GLT6D1: variants seen among roughly 807,000 people sequenced by gnomAD.
GLT6D1 encodes glycosyltransferase 6 domain containing 1.
Under a neutral mutation model 12.3 loss-of-function variants are expected in GLT6D1, and 9 were observed. The ratio of observed to expected loss-of-function variants is 0.73; its 90% CI spans 0.44 to 1.27. The LOEUF is 1.27. Among genes scored for constraint, GLT6D1 ranks in the 50% most tolerant of loss-of-function variants. The probability of loss-of-function intolerance (pLI) is 0.00; values close to 1 mark genes in which losing one functional copy is unlikely to be tolerated. For synonymous variants in GLT6D1, 128 were observed against 132.3 expected, an observed-to-expected ratio of 0.97 and a Z score of 0.23; for missense variants, 335 against 346.2, an observed-to-expected ratio of 0.97 and a Z score of 0.26.
chr9:135,627,578 C>T (rs1833550446), intron 3 of GLT6D1, among the ~76,000 whole-genome samples: 1 of 152,112 alleles, frequency 6.6e-6, no homozygotes, highest in Non-Finnish European at 1.5e-5. Context: ...AGTTGATGAA[C>T]ATTTGAGTTA....
chr9:135,637,663 G>A (rs752890255), intron 2 of GLT6D1, among the ~76,000 whole-genome samples: 1 of 152,068 alleles, frequency 6.6e-6, no homozygotes, highest in African/African-American at 2.4e-5. Flanking sequence ...GCATCTTGGC[G>A]TTCGCTTATT....
At position 135,631,487 on chromosome 9, in the gene GLT6D1, A is replaced by G. The variant is rs1284056323; in HGVS notation, c.72-9T>C. 1.3e-6 allele frequency: 2 copies of G among 1,599,650 alleles called. No homozygotes were observed. Among genetic ancestry groups the G allele is most frequent in the African/African-American group, 2.7e-5 (2 of 74,686 alleles). On this transcript the variant is annotated splice_polypyrimidine_tract_variant and intron_variant, in intron 2 of 4. Coordinates refer to ENST00000371763, the MANE Select transcript of GLT6D1 (RefSeq NM_182974.3). ...CTTCTACTTGGTGATTCCTGGATAC[A>G]AAGAGAAAATCAAGTGATTGCAAGG... is the stretch of plus-strand genomic sequence containing the variant.
At chr9:135,624,733 T>C (rs1372203196) in intron 4 of GLT6D1, 63 bp from the exon 5 acceptor site, 6 of 689,160 alleles carry the variant, frequency 8.7e-6, no homozygotes, top group Admixed American at 5.2e-5. Context: ...TCTTTTTTTT[T>C]TTTTTTTTTT....
At chr9:135,640,216 A>G (rs1833863992), upstream of GLT6D1, among the ~76,000 whole-genome samples, 1 of 152,200 alleles carries the variant, frequency 6.6e-6, no homozygotes, top group African/African-American at 2.4e-5. Flanking sequence ...CAAGTGTACA[A>G]AACACATGGG....
At chr9:135,631,229 C>T (rs888987758) in intron 3 of GLT6D1, among the ~76,000 whole-genome samples, 13 of 152,306 alleles carry the variant, frequency 8.5e-5, no homozygotes, top group African/African-American at 2.9e-4. Flanking sequence ...AGGTAGAGAG[C>T]GTCTGCTTCT....
chr9:135,635,190 A>G (rs1833745521), intron 2 of GLT6D1, among the ~76,000 whole-genome samples: 1 of 152,100 alleles, frequency 6.6e-6, no homozygotes, highest in South Asian at 2.1e-4. Flanking sequence ...TTCGTTTCAT[A>G]CTTTGGGTTA....
Position 135,624,245 on chromosome 9 carries a change from C to T in GLT6D1, c.683G>A (p.Gly228Asp). 6.2e-7 allele frequency: 1 copy of T among 1,604,964 alleles called. No homozygotes were observed. Among genetic ancestry groups the T allele is most frequent in the Non-Finnish European group, 8.5e-7 (1 of 1,176,586 alleles). ...GGGTGTGCCACCAACCATCAAGTTG[C>T]CATAATAGAAATCTCCCTGTCCAAA... ...IPFGQGDFYY[G>D]NLMVGGTPHN... Residue 228 changes from glycine to aspartate, a missense_variant, in exon 5 of 5, where the codon GGC (glycine) becomes GAC (aspartate). By Grantham distance (94) the Gly-to-Asp change is moderately conservative. Transcript: ENST00000371763.
At chr9:135,637,414 C>T (rs567723871) in intron 2 of GLT6D1, among the ~76,000 whole-genome samples, 3 of 151,830 alleles carry the variant, frequency 2.0e-5, no homozygotes, top group Non-Finnish European at 4.4e-5. Context: ...CCTAGGAGCA[C>T]AGTTGCTCTG....
intron 2 of GLT6D1, among the ~76,000 whole-genome samples, chr9:135,638,169 A>G (rs1833818721): frequency 6.6e-6 from 1 of 152,236 alleles, no homozygotes; most frequent in Admixed American, 6.5e-5. Context: ...AAAGACGGAA[A>G]AGTGGAAACC....
intron 2 of GLT6D1, among the ~76,000 whole-genome samples, chr9:135,632,462 C>T (rs954984751): frequency 1.3e-5 from 2 of 152,056 alleles, no homozygotes; most frequent in African/African-American, 2.4e-5. Context: ...ATTCCCCAGG[C>T]GTAGATTCAT....
intron 3 of GLT6D1, among the ~76,000 whole-genome samples, chr9:135,626,752 G>A (rs1833529882): frequency 6.6e-6 from 1 of 151,932 alleles, no homozygotes. Context: ...AGGCCCACCA[G>A]TGCAATCCAG....
At chr9:135,632,518 G>A (rs185165046) in intron 2 of GLT6D1, among the ~76,000 whole-genome samples, 37 of 152,170 alleles carry the variant, frequency 2.4e-4, no homozygotes, top group African/African-American at 7.0e-4. Context: ...AACATGAAAC[G>A]AAAAGGGGGA....
chr9:135,624,816 A>G (rs1475123131), intron 4 of GLT6D1, 146 bp from the exon 5 acceptor site: 2 of 438,196 alleles, frequency 4.6e-6, no homozygotes, highest in African/African-American at 2.5e-5. Context: ...TGCAACCTCC[A>G]CCTCCTGGGT....
intron 2 of GLT6D1, 96 bp downstream of exon 2, chr9:135,639,021 G>T: frequency 1.4e-6 from 1 of 689,964 alleles, no homozygotes; most frequent in South Asian, 2.0e-5. Context: ...AACAGAGTAA[G>T]ACCCTGTCTC....
chr9:135,630,176 A>G (rs911731916), intron 3 of GLT6D1, among the ~76,000 whole-genome samples: 2 of 151,446 alleles, frequency 1.3e-5, no homozygotes, highest in Non-Finnish European at 3.0e-5. Flanking sequence ...GAGGCTAAGG[A>G]GGGTGGATCA....
rs761682643 is a variant in GLT6D1, at chr9:135,626,248, A to C, written c.120-42T>G. 1.6e-5 allele frequency: 26 copies of C among 1,605,276 alleles called. No individual in the cohort carries two copies. The South Asian group carries it at 2.8e-4, about 17-fold the overall frequency. On this transcript the variant is annotated intron_variant, in intron 3 of 4. Transcript: ENST00000371763. ...AAGTTAAACAGGGAGTGCTTTACTG[A>C]GGCGCCGGCAGCAGGTGCCGAGCAG...
At chr9:135,624,890 CA>C (rs1257041327) in intron 4 of GLT6D1, among the ~76,000 whole-genome samples, 4 of 138,252 alleles carry the variant, frequency 2.9e-5, no homozygotes, top group Non-Finnish European at 6.3e-5. Context: ...CCACCACGCC[CA>C]GGTAATTTTT....
At chr9:135,639,754 C>T (rs774654004), upstream of GLT6D1, among the ~76,000 whole-genome samples, 4 of 151,936 alleles carry the variant, frequency 2.6e-5, no homozygotes, top group Admixed American at 1.3e-4. Context: ...GGAGGCTTCA[C>T]GTGGGATTTG....
At chr9:135,626,271 C>A in intron 3 of GLT6D1, 65 bp from the exon 4 acceptor site, 2 of 1,554,934 alleles carry the variant, frequency 1.3e-6, no homozygotes, top group Non-Finnish European at 1.8e-6. Flanking sequence ...AGGTGCCGAG[C>A]AGTAATGCCT....
Sources: allele counts gnomAD v4.1 joint callset (sites outside exome capture counted in the v4.1 genomes callset), GRCh38; gene constraint gnomAD v4.1.1; transcripts MANE v1.5; gene names NCBI Gene and HGNC (gene_info 2026-07-23, HGNC 2026-07-21).